SACM1L: variants seen among roughly 807,000 people sequenced by gnomAD.
The protein encoded by SACM1L is SAC1 like phosphatidylinositide phosphatase.
In SACM1L, 32 loss-of-function variants were observed where a neutral mutation model predicts 89.5. The ratio of observed to expected loss-of-function variants is 0.36; its 90% CI spans 0.27 to 0.48. The LOEUF (loss-of-function observed/expected upper bound fraction) is 0.48, where lower values mean the gene tolerates loss of function less well. SACM1L is among the 20% of genes least tolerant of loss of function. The probability of loss-of-function intolerance (pLI) is 0.99; values close to 1 mark genes in which losing one functional copy is unlikely to be tolerated. For missense variants in SACM1L, 543 were observed against 708.5 expected (o/e 0.77, Z 2.65); for synonymous variants, 213 against 232.8 (o/e 0.92, Z 0.77).
intron 5 of SACM1L, among the ~76,000 whole-genome samples, chr3:45,711,560 C>T (rs1045581607): frequency 2.0e-5 from 3 of 151,742 alleles, no homozygotes; most frequent in African/African-American, 7.3e-5. Context: ...ATAGAAGCCA[C>T]AGTGTGCTGT....
chr3:45,733,803 A>G (rs2125703962), intron 13 of SACM1L, among the ~76,000 whole-genome samples: 1 of 152,310 alleles, frequency 6.6e-6, no homozygotes, highest in African/African-American at 2.4e-5. Context: ...TGTTACCTCC[A>G]TTTTGTGGAT....
chr3:45,729,070 T>C (rs1429812742), intron 11 of SACM1L, among the ~76,000 whole-genome samples: 1 of 149,854 alleles, frequency 6.7e-6, no homozygotes, highest in African/African-American at 2.4e-5. Context: ...CTTTACCTTT[T>C]TGGATTTATT....
chr3:45,699,569 C>T (rs1477070864), intron 1 of SACM1L, among the ~76,000 whole-genome samples: 1 of 152,010 alleles, frequency 6.6e-6, no homozygotes, highest in African/African-American at 2.4e-5. Context: ...ACTCTGTCGC[C>T]CAGGCTGGAA....
Position 45,738,772 on chromosome 3 carries a change from C to G in SACM1L, c.1477-9C>G. The stretch of plus-strand genomic sequence containing the variant: ...ACTGAGTTTACGAATTTCTTCCTTT[C>G]TGTTCTAGGATTCCATAGACTTATT... On this transcript the variant is annotated splice_polypyrimidine_tract_variant and intron_variant, in intron 17 of 19. Transcript: ENST00000389061. The G allele has an allele frequency of 6.3e-7, 1 of 1,591,504 alleles. No homozygotes were observed. Among genetic ancestry groups the G allele is most frequent in the Non-Finnish European group, 8.6e-7 (1 of 1,160,096 alleles).
intron 1 of SACM1L, among the ~76,000 whole-genome samples, chr3:45,700,421 T>G (rs190280689): frequency 2.2e-3 from 337 of 152,274 alleles, no homozygotes; most frequent in African/African-American, 7.5e-3. Context: ...CTGAGACCTT[T>G]CTGAAACCTG....
intron 7 of SACM1L, among the ~76,000 whole-genome samples, chr3:45,714,679 A>G (rs1005398418): frequency 6.6e-6 from 1 of 152,240 alleles, no homozygotes; most frequent in African/African-American, 2.4e-5. Flanking sequence ...CAGATAAATG[A>G]AAATAAGTAG....
chr3:45,695,163 C>G (rs897527501), intron 1 of SACM1L, among the ~76,000 whole-genome samples: 2 of 152,262 alleles, frequency 1.3e-5, no homozygotes, highest in African/African-American at 4.8e-5. Flanking sequence ...TCCTTCTTTA[C>G]TAAGTTGTTT....
intron 1 of SACM1L, chr3:45,690,421 A>G (rs1273594310): frequency 3.3e-5 from 5 of 152,250 alleles, no homozygotes; most frequent in Admixed American, 2.6e-4. Context: ...TTAGAAGCTT[A>G]TCTATCCCTG....
intron 19 of SACM1L, 56 bp from the exon 20 acceptor site, chr3:45,743,477 C>A: frequency 6.6e-7 from 1 of 1,514,306 alleles, no homozygotes; most frequent in Non-Finnish European, 8.9e-7. Flanking sequence ...CAGCTGAAAA[C>A]TGGGTCTGAT....
intron 11 of SACM1L, among the ~76,000 whole-genome samples, chr3:45,730,015 GT>G (rs1177931593): frequency 6.6e-6 from 1 of 151,652 alleles, no homozygotes; most frequent in African/African-American, 2.4e-5. Flanking sequence ...TTTATGTATT[GT>G]TTTCCTGATT....
At chr3:45,735,017 C>A (rs1699168815) in intron 13 of SACM1L, 1 of 430,692 alleles carries the variant, frequency 2.3e-6, no homozygotes, top group Non-Finnish European at 4.1e-6. Context: ...GATCTCTAAT[C>A]TTCAGCCATT....
chr3:45,730,462 T>C (rs1699024529), intron 11 of SACM1L: 1 of 152,152 alleles, frequency 6.6e-6, no homozygotes, highest in Non-Finnish European at 1.5e-5. Context: ...ACAGGTTTCA[T>C]TGAATTCCAA....
At position 45,743,859 on chromosome 3, in the gene SACM1L, G is replaced by A; in HGVS notation, c.*190G>A. ...TGCCTTGATGGTCTCTTTACTATTG[G>A]GACAGTTAGATTTATAATTTGAAGC... On this transcript the variant is annotated 3_prime_UTR_variant, in exon 20 of 20. Coordinates refer to ENST00000389061, the MANE Select transcript of SACM1L (RefSeq NM_014016.5). 1 of 458,086 alleles carries A rather than the reference G, an allele frequency of 2.2e-6. No homozygotes were observed. Among genetic ancestry groups the A allele is most frequent in the Non-Finnish European group, 3.7e-6 (1 of 267,604 alleles). The allele number at this position is 458,086 out of a possible 1,614,324, so 28.4% of individuals were successfully genotyped here.
At chr3:45,703,410 G>C in intron 1 of SACM1L, 28 bp from the exon 2 acceptor site, 2 of 1,442,270 alleles carry the variant, frequency 1.4e-6, no homozygotes, top group Non-Finnish European at 2.0e-6. Context: ...CATTTGGTTA[G>C]TTATTTATGT....
intron 13 of SACM1L, among the ~76,000 whole-genome samples, 189 bp downstream of exon 13, chr3:45,732,340 T>C (rs1366965744): frequency 6.6e-6 from 1 of 152,186 alleles, no homozygotes; most frequent in Non-Finnish European, 1.5e-5. Context: ...TATTTTTGAA[T>C]TCTTAAAAAT....
At chr3:45,720,408 T>G (rs1698762970) in intron 8 of SACM1L, among the ~76,000 whole-genome samples, 1 of 151,970 alleles carries the variant, frequency 6.6e-6, no homozygotes, top group African/African-American at 2.4e-5. Context: ...AAAAAATATT[T>G]CCCATTTCTG....
In SACM1L at chr3:45,744,659, T is replaced by C. The variant is rs1699387518; in HGVS notation, c.*990T>C. 6.5e-6 allele frequency: 1 copy of C among 152,674 alleles called. No homozygotes were observed. Among genetic ancestry groups the C allele is most frequent in the Non-Finnish European group, 1.5e-5 (1 of 68,044 alleles). The allele number at this position is 152,674 out of a possible 1,614,324, so 9.5% of individuals were successfully genotyped here. On this transcript the variant is annotated 3_prime_UTR_variant, in exon 20 of 20. Transcript: ENST00000389061. ...ATGAATGTGTCTAAAACTTAGTGCT[T>C]CCAGGTAGTTATAGTACTCCAAATC...
Position 45,705,138 on chromosome 3 carries a change from A to G in SACM1L, c.134A>G (p.Lys45Arg), listed in dbSNP as rs768822352. ...CTTTCTTTCCTTTCTTTTAAAGTCA[A>G]GAAAGATGTTCCTCCTTCAGCTGTC... is the stretch of plus-strand genomic sequence containing the variant. ...RVSTEVTLAV[K>R]KDVPPSAVTR... Residue 45 changes from lysine to arginine, a missense_variant, in exon 3 of 20, where the codon AAG becomes AGG. Physicochemically the swap from Lys to Arg is conservative, Grantham distance 26. Around this residue, in one of 2 missense-constraint regions of SACM1L, gnomAD observed 173 missense variants for 180.9 expected, o/e 0.96. Transcript: ENST00000389061. 9 of 1,600,528 alleles carry G rather than the reference A, an allele frequency of 5.6e-6. No individual in the cohort carries two copies. The highest frequency in any genetic ancestry group is 1.7e-5 in the Admixed American group (1 of 58,728).
chr3:45,741,038 C>A (rs1415451237), intron 19 of SACM1L, among the ~76,000 whole-genome samples: 1 of 152,092 alleles, frequency 6.6e-6, no homozygotes. Context: ...CTTTATTCTC[C>A]TTTGAGTAAT....
Sources: allele counts gnomAD v4.1 joint callset (sites outside exome capture counted in the v4.1 genomes callset), GRCh38; gene constraint gnomAD v4.1.1; regional missense constraint gnomAD v4.1.1; transcripts MANE v1.5; gene names NCBI Gene and HGNC (gene_info 2026-07-23, HGNC 2026-07-21).